IGF2BP1: variants seen among roughly 807,000 people sequenced by gnomAD.
IGF2BP1 encodes the protein insulin like growth factor 2 mRNA binding protein 1, also known as insulin-like growth factor 2 mRNA-binding protein 1.
Under a neutral mutation model 74.9 loss-of-function variants are expected in IGF2BP1, and 11 were observed. That is an observed-to-expected ratio of 0.15 (90% confidence interval 0.09 to 0.24). IGF2BP1 has a LOEUF of 0.24. Among genes scored for constraint, IGF2BP1 ranks in the 10% least tolerant of loss-of-function variants. IGF2BP1 has a pLI of 1.00. For missense variants in IGF2BP1, 440 were observed against 757.4 expected, an observed-to-expected ratio of 0.58 and a Z score of 4.92; for synonymous variants, 287 against 281.8, an observed-to-expected ratio of 1.02 and a Z score of -0.18.
At chr17:49,044,822 C>A (rs1183544200) in intron 11 of IGF2BP1, among the ~76,000 whole-genome samples, 169 bp from the exon 12 acceptor site, 1 of 152,236 alleles carries the variant, frequency 6.6e-6, no homozygotes, top group Non-Finnish European at 1.5e-5. Context: ...CCTAATAATT[C>A]TGGTGTGAAG....
intron 4 of IGF2BP1, among the ~76,000 whole-genome samples, chr17:49,027,553 G>A (rs189570915): frequency 3.9e-5 from 6 of 152,036 alleles, no homozygotes; most frequent in Non-Finnish European, 5.9e-5. Context: ...AAGAATTCTA[G>A]GTCATAAAAA....
rs1269999102 is a variant in IGF2BP1, at chr17:49,044,978, T to A, written c.1321-13T>A. The A allele has an allele frequency of 1.4e-5, 23 of 1,613,228 alleles. No individual in the cohort carries two copies. The highest frequency in any genetic ancestry group is 2.0e-5 in the Non-Finnish European group (23 of 1,179,238). ...ATAGAGGGTCCCTCATTGACTAGCTTTTTGCTTTTTAGATTGCACCACCCG... is the reference window on the plus strand; with the variant it reads ...ATAGAGGGTCCCTCATTGACTAGCTATTTGCTTTTTAGATTGCACCACCCG... On this transcript the variant is annotated splice_polypyrimidine_tract_variant and intron_variant, in intron 11 of 14. Transcript: ENST00000290341.
intron 12 of IGF2BP1, among the ~76,000 whole-genome samples, chr17:49,045,620 T>G (rs896112857): frequency 6.6e-6 from 1 of 152,284 alleles, no homozygotes; most frequent in African/African-American, 2.4e-5. Flanking sequence ...TAGATTCCTC[T>G]GGGAACTATT....
rs1197161774 is a variant in IGF2BP1 at position 49,016,824 on chromosome 17, C to T, written c.237-8794C>T. On this transcript the variant is annotated intron_variant, in intron 2 of 14. Coordinates refer to ENST00000290341, the MANE Select transcript of IGF2BP1 (RefSeq NM_006546.4). ...CCGCCCCCCTGTCCTCCTGCCCCCC[C>T]GCCTGTCCTCCCGCCTGTCTGGCTG... Among the ~76,000 whole-genome samples, 11 of 143,824 alleles carry T rather than the reference C, an allele frequency of 7.6e-5. No homozygotes were observed. In the South Asian group the frequency reaches 1.4e-3, roughly 18 times the overall value. 94.4% of individuals were successfully genotyped at this position (143,824 alleles called of 152,430 possible).
chr17:49,036,306 G>A (rs900901760), intron 5 of IGF2BP1: 1 of 152,200 alleles, frequency 6.6e-6, no homozygotes, highest in African/African-American at 2.4e-5. Flanking sequence ...GCAGTTAGGG[G>A]TCTCTGGAGA....
intron 8 of IGF2BP1, among the ~76,000 whole-genome samples, chr17:49,041,816 C>G (rs1311887122): frequency 6.6e-6 from 1 of 152,218 alleles, no homozygotes; most frequent in Non-Finnish European, 1.5e-5. Flanking sequence ...GGGCTTTAGG[C>G]TTGTCTGTCA....
rs566231545 is a variant in IGF2BP1, at chr17:49,051,360, G to T, written c.*1916G>T. Reference sequence around the variant, plus strand: ...CCTGGTGGGAAAGGCTTTGGGGGCTGCCCCCTTAGGAGGAGGCTAGTGCTA... The same window carrying T: ...CCTGGTGGGAAAGGCTTTGGGGGCTTCCCCCTTAGGAGGAGGCTAGTGCTA... On this transcript the variant is annotated 3_prime_UTR_variant, in exon 15 of 15. Transcript: ENST00000290341. 1 of 152,812 alleles carries T rather than the reference G, an allele frequency of 6.5e-6. No homozygotes were observed. The highest frequency in any genetic ancestry group is 2.1e-4 in the South Asian group (1 of 4,830). The allele number at this position is 152,812 out of a possible 1,614,324, so 9.5% of individuals were successfully genotyped here.
At chr17:49,011,156 A>AAAC (rs2041614510) in intron 2 of IGF2BP1, among the ~76,000 whole-genome samples, 1 of 149,184 alleles carries the variant, frequency 6.7e-6, no homozygotes, top group Non-Finnish European at 1.5e-5. Flanking sequence ...AAAAAAAAAA[A>AAAC]AAAAAAAAAA....
intron 5 of IGF2BP1, chr17:49,036,524 G>A (rs1383521729): frequency 6.6e-6 from 1 of 152,150 alleles, no homozygotes; most frequent in African/African-American, 2.4e-5. Context: ...GAGACTGCAT[G>A]TTTGTTTTTT....
chr17:48,997,190 C>A (rs988667494), upstream of IGF2BP1, among the ~76,000 whole-genome samples: 1 of 152,020 alleles, frequency 6.6e-6, no homozygotes, highest in African/African-American at 2.4e-5. The surrounding 1 kb of genome is among the most constrained non-coding windows in gnomAD (Gnocchi z 4.8). Flanking sequence ...GGGGAAGGGG[C>A]CTGTAGAGCT....
intron 4 of IGF2BP1, 115 bp downstream of exon 4, chr17:49,026,632 C>G: frequency 2.3e-6 from 1 of 439,954 alleles, no homozygotes; most frequent in Non-Finnish European, 3.8e-6. Context: ...TTCCTTCCTT[C>G]CTGCCTTCCT....
chr17:48,997,658 C>T lies in IGF2BP1; in HGVS notation c.-88C>T. ...AAAGTTTGCGGCTCCTGCCGCCGGC[C>T]TCTCCGCCTCTTGGCCTAGGAGGCT... On this transcript the variant is annotated 5_prime_UTR_variant, in exon 1 of 15. Transcript: ENST00000290341. This position sits in a 1 kb window ranked among gnomAD's most constrained non-coding sequence, Gnocchi z 4.8. 7.1e-7 allele frequency: 1 copy of T among 1,411,260 alleles called. No individual in the cohort carries two copies. Among genetic ancestry groups the T allele is most frequent in the Admixed American group, 2.1e-5 (1 of 48,358 alleles). The allele number at this position is 1,411,260 out of a possible 1,614,324, so 87.4% of individuals were successfully genotyped here.
In IGF2BP1 at chr17:49,054,331, C is replaced by T. The variant is rs555061367; in HGVS notation, c.*4887C>T. ...CTCGGGAGCATGTGTTTTGATTAAC[C>T]GCAGGTGATGGATGCTACGAGTATA... On this transcript the variant is annotated 3_prime_UTR_variant, in exon 15 of 15. Transcript: ENST00000290341. 3.3e-5 allele frequency: 5 copies of T among 152,748 alleles called. No homozygotes were observed. The highest frequency in any genetic ancestry group is 1.3e-4 in the Admixed American group (2 of 15,302). 9.5% of individuals were successfully genotyped at this position (152,748 alleles called of 1,614,324 possible).
intron 5 of IGF2BP1, among the ~76,000 whole-genome samples, chr17:49,034,044 C>T (rs1472092238): frequency 6.7e-6 from 1 of 148,472 alleles, no homozygotes; most frequent in Non-Finnish European, 1.5e-5. Flanking sequence ...AGGCTAGTGT[C>T]AAACTCCTGG....
intron 6 of IGF2BP1, among the ~76,000 whole-genome samples, chr17:49,039,204 G>A (rs1332342456): frequency 6.6e-6 from 1 of 151,948 alleles, no homozygotes; most frequent in African/African-American, 2.4e-5. Flanking sequence ...TCTGATCAGT[G>A]TACTCAGTGG....
chr17:49,004,413 A>T (rs954822491), intron 2 of IGF2BP1, among the ~76,000 whole-genome samples: 8 of 152,254 alleles, frequency 5.3e-5, no homozygotes, highest in Admixed American at 2.0e-4. Flanking sequence ...AAAAGAGGCA[A>T]GAAGAGAGGA....
chr17:49,005,033 G>T (rs902656789), intron 2 of IGF2BP1, among the ~76,000 whole-genome samples: 8 of 152,174 alleles, frequency 5.3e-5, no homozygotes, highest in African/African-American at 1.9e-4. Context: ...TTGATCAGAG[G>T]AGACTATGTA....
In IGF2BP1 at chr17:49,043,569, T is replaced by C. The variant is rs2042076406; in HGVS notation, c.1200+19T>C. On this transcript the variant is annotated intron_variant, in intron 10 of 14. Transcript: ENST00000290341. ...CTTTATGGTAGGTGGAAGATCTTATTACACGGGATCCCTGGGCCCATATGT... is the reference window on the plus strand; with the variant it reads ...CTTTATGGTAGGTGGAAGATCTTATCACACGGGATCCCTGGGCCCATATGT... The C allele has an allele frequency of 1.2e-6, 2 of 1,612,932 alleles. No homozygotes were observed. Among genetic ancestry groups the C allele is most frequent in the Non-Finnish European group, 1.7e-6 (2 of 1,179,090 alleles).
chr17:48,999,700 T>A (rs1291285123), intron 2 of IGF2BP1, among the ~76,000 whole-genome samples: 1 of 151,846 alleles, frequency 6.6e-6, no homozygotes, highest in Non-Finnish European at 1.5e-5. Context: ...GCAAAGACTT[T>A]TTATTTTCCA....
Sources: gnomAD v4.1 joint callset for allele counts (sites outside exome capture counted in the v4.1 genomes callset) on GRCh38, gnomAD v4.1.1 for gene constraint, Gnocchi (gnomAD v3.1) non-coding constraint, MANE v1.5 for transcripts, NCBI Gene and HGNC (gene_info 2026-07-23, HGNC 2026-07-21) for gene names.